Variants in MBNL2 observed in about 807,000 individuals in gnomAD.
The protein encoded by MBNL2 is muscleblind-like protein 2.
A neutral mutation model predicts 41.9 loss-of-function variants in MBNL2; 17 were observed. That is an observed-to-expected ratio of 0.41 (90% CI 0.28 to 0.61). The LOEUF (loss-of-function observed/expected upper bound fraction) is 0.61, where lower values mean the gene tolerates loss of function less well. MBNL2 is among the 20% of genes least tolerant of loss of function. The probability of loss-of-function intolerance (pLI) is 0.35; values close to 1 mark genes in which losing one functional copy is unlikely to be tolerated. For missense variants in MBNL2, 336 were observed against 505.6 expected (o/e 0.66, Z 3.22); for synonymous variants, 195 against 182.9 (o/e 1.07, Z -0.53).
chr13:97,284,976 T>C (rs1394292954), intron 2 of MBNL2, among the ~76,000 whole-genome samples: 1 of 152,244 alleles, frequency 6.6e-6, no homozygotes, highest in Non-Finnish European at 1.5e-5. Flanking sequence ...TTAGTCGGTG[T>C]ATCAGTTCTT....
chr13:97,321,586 C>T (rs1447764890), intron 2 of MBNL2, among the ~76,000 whole-genome samples: 1 of 152,202 alleles, frequency 6.6e-6, no homozygotes, highest in Non-Finnish European at 1.5e-5. Context: ...GAGGGAAGAG[C>T]AGTATTTAGC....
chr13:97,361,437 A>G (rs2063383162), intron 7 of MBNL2, among the ~76,000 whole-genome samples: 1 of 152,224 alleles, frequency 6.6e-6, no homozygotes, highest in Admixed American at 6.5e-5. Context: ...ACAAAGGCAG[A>G]GATGGGGCTT....
upstream of MBNL2, among the ~76,000 whole-genome samples, chr13:97,218,430 C>CAAAAAAAAAAAAAAAAAAAAAAAA (rs746110575): frequency 1.4e-5 from 1 of 69,052 alleles, no homozygotes; most frequent in Non-Finnish European, 2.7e-5. Flanking sequence ...AAAAACAAAA[C>CAAAAAAAAAAAAAAAAAAAAAAAA]AAAACAAAAC....
the MBNL2 span, among the ~76,000 whole-genome samples, chr13:97,142,244 G>A: frequency 6.6e-6 from 1 of 152,154 alleles, no homozygotes; most frequent in African/African-American, 2.4e-5. Context: ...TAATATGAAA[G>A]TTTAGAAAAG....
intron 2 of MBNL2, among the ~76,000 whole-genome samples, chr13:97,279,871 G>A (rs1383665336): frequency 6.6e-6 from 1 of 152,182 alleles, no homozygotes; most frequent in Admixed American, 6.5e-5. Context: ...ATTTGTAGAA[G>A]ACATTTTGGA....
chr13:97,208,316 T>G, the MBNL2 span, among the ~76,000 whole-genome samples: 1 of 152,166 alleles, frequency 6.6e-6, no homozygotes, highest in Non-Finnish European at 1.5e-5. Flanking sequence ...GAGAAAGACT[T>G]GGACAGGAAT....
At chr13:97,206,153 C>A in the MBNL2 span, among the ~76,000 whole-genome samples, 2 of 152,158 alleles carry the variant, frequency 1.3e-5, no homozygotes. Flanking sequence ...AGTAATGAAT[C>A]AGAGAGAAAG....
intron 2 of MBNL2, among the ~76,000 whole-genome samples, chr13:97,280,620 G>A (rs1160621995): frequency 6.6e-6 from 1 of 152,164 alleles, no homozygotes; most frequent in Non-Finnish European, 1.5e-5. Flanking sequence ...GAGCAACACT[G>A]CAAAGGCTGC....
At chr13:97,222,660 C>T (rs2040982555) in intron 1 of MBNL2, 129 bp downstream of exon 1, 1 of 392,284 alleles carries the variant, frequency 2.5e-6, no homozygotes, top group African/African-American at 2.1e-5. Flanking sequence ...TTGCGGGGGA[C>T]CCTGGAGTTT....
chr13:97,367,500 A>C (rs1045828760), intron 8 of MBNL2, among the ~76,000 whole-genome samples: 2 of 152,362 alleles, frequency 1.3e-5, no homozygotes, highest in Admixed American at 1.3e-4. Flanking sequence ...AAAAGAAATT[A>C]GGGGAAATCG....
chr13:97,210,039 GC>G, the MBNL2 span, among the ~76,000 whole-genome samples: 3 of 152,068 alleles, frequency 2.0e-5, no homozygotes, highest in African/African-American at 7.2e-5. Flanking sequence ...CAGGTGATCT[GC>G]CCGCCTTGGC....
chr13:97,277,782 T>G (rs1402426866), intron 2 of MBNL2, among the ~76,000 whole-genome samples: 1 of 152,190 alleles, frequency 6.6e-6, no homozygotes, highest in African/African-American at 2.4e-5. Context: ...TAGACTAGAC[T>G]TTAAAATGAT....
At chr13:97,152,455 C>T in the MBNL2 span, among the ~76,000 whole-genome samples, 5 of 152,142 alleles carry the variant, frequency 3.3e-5, no homozygotes, top group African/African-American at 4.8e-5. Flanking sequence ...CAAGTGCGAA[C>T]ACAATGGATA....
At chr13:97,209,516 T>G in the MBNL2 span, among the ~76,000 whole-genome samples, 1 of 152,236 alleles carries the variant, frequency 6.6e-6, no homozygotes, top group South Asian at 2.1e-4. Context: ...CAAAGGAGAG[T>G]GTGCAATTAA....
chr13:97,288,259 T>G (rs940772318), intron 2 of MBNL2, among the ~76,000 whole-genome samples: 2 of 152,210 alleles, frequency 1.3e-5, no homozygotes, highest in Non-Finnish European at 2.9e-5. Flanking sequence ...CTACTTGGAC[T>G]GAAATCCACA....
At chr13:97,173,003 G>A in the MBNL2 span, 1 of 152,162 alleles carries the variant, frequency 6.6e-6, no homozygotes, top group Non-Finnish European at 1.5e-5. Context: ...AAAACTCACT[G>A]GGGTTCTTCG....
the MBNL2 span, among the ~76,000 whole-genome samples, chr13:97,198,071 T>G: frequency 6.6e-6 from 1 of 152,176 alleles, no homozygotes; most frequent in Non-Finnish European, 1.5e-5. Flanking sequence ...GCCCAGATAC[T>G]TGGTCAAACA....
chr13:97,351,070 C>A (rs1594251148), intron 5 of MBNL2, among the ~76,000 whole-genome samples: 3 of 152,310 alleles, frequency 2.0e-5, no homozygotes, highest in African/African-American at 7.2e-5. Context: ...CCATGGGCTG[C>A]AGAACAGCTG....
At chr13:97,195,385 C>A in the MBNL2 span, among the ~76,000 whole-genome samples, 2 of 152,134 alleles carry the variant, frequency 1.3e-5, no homozygotes, top group Non-Finnish European at 2.9e-5. Context: ...CCCAACCCTG[C>A]TCTCCTGTAG....
Sources: allele counts gnomAD v4.1 joint callset (sites outside exome capture counted in the v4.1 genomes callset), GRCh38; gene constraint gnomAD v4.1.1; transcripts MANE v1.5; gene names NCBI Gene and HGNC (gene_info 2026-07-23, HGNC 2026-07-21).